DNM1L: variants seen among roughly 807,000 people sequenced by gnomAD.
DNM1L encodes dynamin-1-like protein.
Under a neutral mutation model 92.8 loss-of-function variants are expected in DNM1L, and 33 were observed. The ratio of observed to expected loss-of-function variants is 0.36; its 90% CI spans 0.27 to 0.48. The LOEUF is 0.48. Ranked by LOEUF, DNM1L falls within the 20% of genes least tolerant of loss-of-function variation. The probability of loss-of-function intolerance (pLI) is 0.99; values close to 1 mark genes in which losing one functional copy is unlikely to be tolerated. For missense variants in DNM1L, 485 were observed against 888.8 expected (o/e 0.55, Z 5.78); for synonymous variants, 284 against 305.0 (o/e 0.93, Z 0.72).
intron 18 of DNM1L, among the ~76,000 whole-genome samples, chr12:32,742,275 T>C (rs1029324469): frequency 8.5e-5 from 13 of 152,236 alleles, no homozygotes; most frequent in African/African-American, 3.1e-4. Flanking sequence ...CAGCTAATTT[T>C]TTATTTTTAG....
At chr12:32,726,899 G>A in intron 9 of DNM1L, 1 of 674,212 alleles carries the variant, frequency 1.5e-6, no homozygotes, top group Non-Finnish European at 2.7e-6. Context: ...AATATTTACT[G>A]GGTTCAAATT....
At chr12:32,721,233 C>T (rs985450841) in intron 8 of DNM1L, among the ~76,000 whole-genome samples, 4 of 152,078 alleles carry the variant, frequency 2.6e-5, no homozygotes, top group South Asian at 4.2e-4. Context: ...AATAACTATA[C>T]GTTGGATTCT....
intron 1 of DNM1L, among the ~76,000 whole-genome samples, chr12:32,690,049 A>C (rs1468885932): frequency 6.6e-6 from 1 of 152,148 alleles, no homozygotes; most frequent in Non-Finnish European, 1.5e-5. Flanking sequence ...GCTAGCTGTG[A>C]TTTTTGCCAC....
In DNM1L at chr12:32,731,802, T is replaced by G. The variant is rs1954570423; in HGVS notation, c.1357-52T>G. 3.8e-6 allele frequency: 5 copies of G among 1,302,728 alleles called. No individual in the cohort carries two copies. The highest frequency in any genetic ancestry group is 1.8e-5 in the Admixed American group (1 of 56,576). 80.7% of individuals were successfully genotyped at this position (1,302,728 alleles called of 1,614,324 possible). ...GAGGATGGCTTAGTGAGACTATGAC[T>G]TAAAAAAAAAACAAAAAACAAACAC... On this transcript the variant is annotated intron_variant, in intron 11 of 19. Transcript: ENST00000549701. The surrounding 1 kb of genome is among the most constrained non-coding windows in gnomAD (Gnocchi z 5.1).
At chr12:32,682,901 A>C (rs1161058080) in intron 1 of DNM1L, among the ~76,000 whole-genome samples, 2 of 152,190 alleles carry the variant, frequency 1.3e-5, no homozygotes, top group East Asian at 3.8e-4. Context: ...AAATGAACAG[A>C]CACAGTGGGG....
chr12:32,713,085 A>G, intron 5 of DNM1L, 124 bp from the exon 6 acceptor site: 1 of 891,734 alleles, frequency 1.1e-6, no homozygotes, highest in Non-Finnish European at 1.7e-6. Flanking sequence ...TATATTAGTA[A>G]TGTCTTTATT....
chr12:32,704,814 T>C (rs1952856420), intron 2 of DNM1L, among the ~76,000 whole-genome samples: 1 of 152,200 alleles, frequency 6.6e-6, no homozygotes, highest in Non-Finnish European at 1.5e-5. Flanking sequence ...CAGTGTTCTA[T>C]TAAATCCAAT....
chr12:32,708,071 G>GA (rs1952993456), intron 3 of DNM1L, 82 bp from the exon 4 acceptor site: 2 of 739,912 alleles, frequency 2.7e-6, no homozygotes, highest in Non-Finnish European at 4.8e-6. Flanking sequence ...AGACATCCTT[G>GA]AAGTATATGG....
At chr12:32,695,590 G>A (rs551350725) in intron 1 of DNM1L, among the ~76,000 whole-genome samples, 1 of 152,274 alleles carries the variant, frequency 6.6e-6, no homozygotes, top group Admixed American at 6.5e-5. Flanking sequence ...GGGCAACATG[G>A]GGAAACCCTG....
chr12:32,682,340 C>A (rs1951840627), intron 1 of DNM1L, among the ~76,000 whole-genome samples: 1 of 152,124 alleles, frequency 6.6e-6, no homozygotes, highest in Middle Eastern at 3.2e-3. Flanking sequence ...CCATGTTGGT[C>A]AGGCTGGTAT....
At chr12:32,716,090 A>G (rs1440380723) in intron 6 of DNM1L, among the ~76,000 whole-genome samples, 1 of 152,180 alleles carries the variant, frequency 6.6e-6, no homozygotes, top group African/African-American at 2.4e-5. Flanking sequence ...TTAATATACA[A>G]GAACACGGAT....
intron 6 of DNM1L, among the ~76,000 whole-genome samples, chr12:32,714,424 C>T (rs1283825362): frequency 6.6e-6 from 1 of 151,772 alleles, no homozygotes; most frequent in Non-Finnish European, 1.5e-5. Context: ...AGGCGCCTGC[C>T]ACCACGCCTG....
Position 32,731,639 on chromosome 12 carries a change from T to G in DNM1L, c.1356+128T>G. The G allele has an allele frequency of 8.2e-7, 1 of 1,226,354 alleles. No individual in the cohort carries two copies. Among genetic ancestry groups the G allele is most frequent in the Non-Finnish European group, 1.2e-6 (1 of 863,874 alleles). The allele number at this position is 1,226,354 out of a possible 1,614,324, so 76.0% of individuals were successfully genotyped here. On this transcript the variant is annotated intron_variant, in intron 11 of 19. Coordinates refer to ENST00000549701, the MANE Select transcript of DNM1L (RefSeq NM_012062.5). This position sits in a 1 kb window ranked among gnomAD's most constrained non-coding sequence, Gnocchi z 5.1. ...AATCTGTAGTTCCCTTACCTGAAAG[T>G]GATTTGAAATAGGATTCTTAAATGT...
At chr12:32,724,922 A>C (rs1280211960) in intron 9 of DNM1L, among the ~76,000 whole-genome samples, 1 of 151,992 alleles carries the variant, frequency 6.6e-6, no homozygotes. Flanking sequence ...ATTTTAATAC[A>C]TAGTAAACAG....
chr12:32,728,280 G>C (rs1954285878), intron 9 of DNM1L: 1 of 152,204 alleles, frequency 6.6e-6, no homozygotes, highest in Non-Finnish European at 1.5e-5. Context: ...GTCTTCATAT[G>C]AGTCAACTCC....
chr12:32,718,086 T>TTA (rs1033252127), intron 6 of DNM1L, among the ~76,000 whole-genome samples: 4 of 134,506 alleles, frequency 3.0e-5, no homozygotes, highest in East Asian at 2.2e-4. Flanking sequence ...TATACATATT[T>TTA]TATATATATA....
At chr12:32,716,343 T>G (rs1441923255) in intron 6 of DNM1L, among the ~76,000 whole-genome samples, 2 of 152,144 alleles carry the variant, frequency 1.3e-5, no homozygotes, top group Non-Finnish European at 2.9e-5. Context: ...ATTTTTATTT[T>G]TTGTTTATTG....
intron 1 of DNM1L, among the ~76,000 whole-genome samples, chr12:32,691,470 C>T (rs1043198208): frequency 2.6e-5 from 4 of 152,244 alleles, no homozygotes; most frequent in South Asian, 2.1e-4. Context: ...GTCTCAATCT[C>T]TTGACCTCGT....
chr12:32,682,281 C>G (rs2137198058), intron 1 of DNM1L, among the ~76,000 whole-genome samples: 1 of 152,224 alleles, frequency 6.6e-6, no homozygotes, highest in Non-Finnish European at 1.5e-5. Flanking sequence ...TACAGGCATG[C>G]ACCACCACGC....
Sources: gnomAD v4.1 joint callset for allele counts (sites outside exome capture counted in the v4.1 genomes callset) on GRCh38, gnomAD v4.1.1 for gene constraint, Gnocchi (gnomAD v3.1) non-coding constraint, MANE v1.5 for transcripts, NCBI Gene and HGNC (gene_info 2026-07-23, HGNC 2026-07-21) for gene names.